The following PTN variants were observed in gnomAD, a reference collection of about 807,000 sequenced individuals.
The protein encoded by PTN is pleiotrophin.
In PTN, 18 loss-of-function variants were observed where a neutral mutation model predicts 24.1. The ratio of observed to expected loss-of-function variants is 0.75; its 90% confidence interval spans 0.52 to 1.11. The LOEUF (loss-of-function observed/expected upper bound fraction) is 1.11, where lower values mean the gene tolerates loss of function less well. PTN is among the 50% of genes least tolerant of loss of function. The pLI, the probability that PTN is intolerant of heterozygous loss-of-function variation, is 0.00. For missense variants in PTN, 163 were observed against 198.8 expected (o/e 0.82, Z 1.08); for synonymous variants, 78 against 68.6 (o/e 1.14, Z -0.67).
chr7:137,310,696 C>T (rs975035605), intron 1 of PTN, among the ~76,000 whole-genome samples: 6 of 152,170 alleles, frequency 3.9e-5, no homozygotes, highest in East Asian at 1.9e-4. Context: ...GAGCCACCAC[C>T]GCAGGCCATC....
chr7:137,258,839 G>C (rs190890732), intron 1 of PTN, among the ~76,000 whole-genome samples: 1 of 152,240 alleles, frequency 6.6e-6, no homozygotes, highest in East Asian at 1.9e-4. Flanking sequence ...AACAGACTGA[G>C]TGCCAAATGA....
intron 1 of PTN, among the ~76,000 whole-genome samples, chr7:137,315,077 C>T (rs756959500): frequency 6.6e-6 from 1 of 152,124 alleles, no homozygotes; most frequent in Non-Finnish European, 1.5e-5. Flanking sequence ...GTCAGACGCT[C>T]ATAGATAGGA....
intron 1 of PTN, among the ~76,000 whole-genome samples, chr7:137,276,273 C>T (rs1809357374): frequency 6.6e-6 from 1 of 152,140 alleles, no homozygotes; most frequent in Admixed American, 6.5e-5. Flanking sequence ...TTGATTATTG[C>T]AAGGCAAGTC....
intron 1 of PTN, among the ~76,000 whole-genome samples, chr7:137,260,175 A>G (rs775411551): frequency 6.6e-6 from 1 of 152,150 alleles, no homozygotes; most frequent in Non-Finnish European, 1.5e-5. Context: ...GAGTAGCCTC[A>G]TATGAGAGTA....
chr7:137,338,706 A>G (rs1810486492), intron 1 of PTN, among the ~76,000 whole-genome samples: 1 of 152,196 alleles, frequency 6.6e-6, no homozygotes, highest in Non-Finnish European at 1.5e-5. Context: ...ACTACCTACC[A>G]TATAGTATGT....
intron 1 of PTN, among the ~76,000 whole-genome samples, chr7:137,301,439 A>C (rs778602572): frequency 1.3e-5 from 2 of 151,976 alleles, no homozygotes; most frequent in Non-Finnish European, 2.9e-5. Context: ...CAGCTCATGT[A>C]AAGATTGGAC....
At chr7:137,310,709 A>ATAG (rs1258303553) in intron 1 of PTN, among the ~76,000 whole-genome samples, 1 of 152,104 alleles carries the variant, frequency 6.6e-6, no homozygotes, top group African/African-American at 2.4e-5. Flanking sequence ...AGGCCATCTA[A>ATAG]CAGAAGTCTG....
intron 1 of PTN, among the ~76,000 whole-genome samples, chr7:137,306,582 A>T (rs931405817): frequency 5.9e-5 from 9 of 152,116 alleles, no homozygotes; most frequent in African/African-American, 2.2e-4. Flanking sequence ...AAAATGCCAA[A>T]GCCAATACAG....
At chr7:137,228,684 T>C (rs1017590016) in intron 4 of PTN, among the ~76,000 whole-genome samples, 1 of 151,732 alleles carries the variant, frequency 6.6e-6, no homozygotes, top group African/African-American at 2.4e-5. Context: ...TAGTTTGGGG[T>C]AAAACAAATG....
chr7:137,263,835 T>C (rs1189825730), intron 1 of PTN, among the ~76,000 whole-genome samples: 1 of 151,992 alleles, frequency 6.6e-6, no homozygotes, highest in Non-Finnish European at 1.5e-5. Flanking sequence ...ACATACCCAG[T>C]ATAGCCTAGT....
At position 137,258,211 on chromosome 7, in the gene PTN, T is replaced by C. The variant is rs531843441; in HGVS notation, c.-1-3237A>G. ...ATAGAATAGTCTACTAAACAAGTCA[T>C]TATAACTGAAATATGAGCTGACTGG... is the stretch of plus-strand genomic sequence containing the variant. On this transcript the variant is annotated intron_variant, in intron 1 of 4. Coordinates refer to ENST00000348225, the MANE Select transcript of PTN (RefSeq NM_002825.7). 7.6e-4 allele frequency among the ~76,000 whole-genome samples: 115 copies of C among 152,254 alleles called. 4 individuals carry two copies. The South Asian group carries it at 0.022, about 29-fold the overall frequency.
intron 1 of PTN, among the ~76,000 whole-genome samples, chr7:137,260,825 T>G (rs949727829): frequency 6.6e-6 from 1 of 152,200 alleles, no homozygotes; most frequent in African/African-American, 2.4e-5. Flanking sequence ...TCTTTTGTGA[T>G]GTTAGCAGCC....
At position 137,292,029 on chromosome 7, in the gene PTN, T is replaced by C. The variant is rs912460002; in HGVS notation, c.-1-37055A>G. 3.3e-5 allele frequency among the ~76,000 whole-genome samples: 5 copies of C among 152,176 alleles called. No homozygotes were observed. In the South Asian group the frequency reaches 1.0e-3, roughly 32 times the overall value. ...TTGTGTCTGCAGAATAAAACTAGGA[T>C]TCTGATAAAGTATGAGAAACCGTCA... On this transcript the variant is annotated intron_variant, in intron 1 of 4. Coordinates refer to ENST00000348225, the MANE Select transcript of PTN (RefSeq NM_002825.7).
intron 1 of PTN, among the ~76,000 whole-genome samples, chr7:137,282,690 T>C (rs1161108919): frequency 6.6e-6 from 1 of 152,218 alleles, no homozygotes; most frequent in Non-Finnish European, 1.5e-5. Context: ...TAATAAAGTA[T>C]GACATTTAAC....
chr7:137,311,588 T>C (rs187828117), intron 1 of PTN, among the ~76,000 whole-genome samples: 10 of 152,306 alleles, frequency 6.6e-5, no homozygotes, highest in Admixed American at 4.6e-4. Context: ...TTAGAGGCCA[T>C]TGTCCCATCA....
At chr7:137,273,940 G>A (rs146807556) in intron 1 of PTN, among the ~76,000 whole-genome samples, 120 of 151,978 alleles carry the variant, frequency 7.9e-4, no homozygotes, top group Middle Eastern at 3.4e-3. Flanking sequence ...GGGTGTTTTA[G>A]GTACTTCAGC....
At chr7:137,238,254 C>A (rs1808559045) in intron 4 of PTN, among the ~76,000 whole-genome samples, 1 of 152,124 alleles carries the variant, frequency 6.6e-6, no homozygotes, top group African/African-American at 2.4e-5. Flanking sequence ...GGTGAAGCAC[C>A]AGAATTGCTA....
intron 1 of PTN, among the ~76,000 whole-genome samples, chr7:137,285,953 A>G (rs887028797): frequency 1.4e-4 from 22 of 152,234 alleles, no homozygotes; most frequent in African/African-American, 5.3e-4. Context: ...AATTTTATGT[A>G]TATTCTACAG....
chr7:137,296,325 A>G (rs1809717521), intron 1 of PTN, among the ~76,000 whole-genome samples: 1 of 152,100 alleles, frequency 6.6e-6, no homozygotes, highest in African/African-American at 2.4e-5. Context: ...AGATTAAAAT[A>G]CCATATTCCT....
Sources: allele counts gnomAD v4.1 joint callset (sites outside exome capture counted in the v4.1 genomes callset), GRCh38; gene constraint gnomAD v4.1.1; transcripts MANE v1.5; gene names NCBI Gene and HGNC (gene_info 2026-07-23, HGNC 2026-07-21).